The following PARD3 variants were observed in gnomAD, a reference collection of about 807,000 sequenced individuals.
PARD3 encodes the protein par-3 family cell polarity regulator.
PARD3 carries 75 observed loss-of-function variants against 155.4 expected under a neutral mutation model. The observed-to-expected ratio is 0.48, with a 90% CI of 0.40 to 0.58. PARD3 has a LOEUF of 0.58. Ranked by LOEUF, PARD3 falls within the 20% of genes least tolerant of loss-of-function variation. PARD3 has a pLI of 0.00. For missense variants in PARD3, 1,642 were observed against 1,721.7 expected (o/e 0.95, Z 0.82); for synonymous variants, 576 against 610.5 (o/e 0.94, Z 0.83).
At chr10:34,409,051 C>T (rs1454771475) in intron 5 of PARD3, among the ~76,000 whole-genome samples, 3 of 152,092 alleles carry the variant, frequency 2.0e-5, no homozygotes, top group South Asian at 4.2e-4. Context: ...TATATAAGCG[C>T]CATCCCCTCA....
chr10:34,571,807 T>C (rs867475982), intron 2 of PARD3, among the ~76,000 whole-genome samples: 5 of 152,316 alleles, frequency 3.3e-5, no homozygotes, highest in Middle Eastern at 6.8e-3. Context: ...AATGCAGGTA[T>C]TAATATCTGT....
chr10:34,316,870 T>C (rs1958040464), intron 20 of PARD3, among the ~76,000 whole-genome samples: 1 of 152,202 alleles, frequency 6.6e-6, no homozygotes, highest in Admixed American at 6.5e-5. Context: ...GATAATGTTT[T>C]CAAATCTGTG....
At chr10:34,809,405 A>G (rs4934668) in intron 1 of PARD3, among the ~76,000 whole-genome samples, 2 of 151,918 alleles carry the variant, frequency 1.3e-5, no homozygotes, top group Non-Finnish European at 2.9e-5. Flanking sequence ...CAAGCATCTG[A>G]GTCGGTACAG....
At chr10:34,669,509 T>C (rs1292982387) in intron 2 of PARD3, among the ~76,000 whole-genome samples, 1 of 152,114 alleles carries the variant, frequency 6.6e-6, no homozygotes, top group African/African-American at 2.4e-5. Context: ...ACATATTGAA[T>C]GATGGTTAAA....
intron 15 of PARD3, chr10:34,344,102 A>G: frequency 2.1e-6 from 2 of 968,874 alleles, no homozygotes; most frequent in Non-Finnish European, 2.5e-6. Flanking sequence ...AATGGATACA[A>G]CAGATTTCAG....
chr10:34,537,544 G>A (rs1386665841), intron 2 of PARD3, among the ~76,000 whole-genome samples: 2 of 151,998 alleles, frequency 1.3e-5, no homozygotes, highest in African/African-American at 4.8e-5. Context: ...ACTACACTGG[G>A]GTCCACACTT....
At chr10:34,336,443 C>A (rs1032752916) in intron 17 of PARD3, 200 bp from the exon 18 acceptor site, 6 of 526,606 alleles carry the variant, frequency 1.1e-5, no homozygotes, top group African/African-American at 9.8e-5. Context: ...CCAGTCATTT[C>A]ATTTCACAGA....
At chr10:34,223,538 C>A (rs1448313327) in intron 22 of PARD3, among the ~76,000 whole-genome samples, 1 of 152,044 alleles carries the variant, frequency 6.6e-6, no homozygotes, top group Non-Finnish European at 1.5e-5. Context: ...TGGGGGAAGG[C>A]GAACAGGGTG....
At chr10:34,389,111 T>G (rs1842631803) in intron 7 of PARD3, among the ~76,000 whole-genome samples, 1 of 152,034 alleles carries the variant, frequency 6.6e-6, no homozygotes, top group Non-Finnish European at 1.5e-5. Context: ...CTATATTTTC[T>G]TCAAAATTTG....
At chr10:34,672,746 A>T (rs1471765781) in intron 2 of PARD3, among the ~76,000 whole-genome samples, 1 of 152,208 alleles carries the variant, frequency 6.6e-6, no homozygotes, top group Non-Finnish European at 1.5e-5. Context: ...ATATGTATTA[A>T]TCCTCTAACT....
intron 10 of PARD3, among the ~76,000 whole-genome samples, chr10:34,375,986 A>G (rs947317107): frequency 2.0e-5 from 3 of 152,170 alleles, no homozygotes; most frequent in African/African-American, 4.8e-5. Flanking sequence ...CACTCAATTT[A>G]TACCCCAAGG....
intron 2 of PARD3, among the ~76,000 whole-genome samples, chr10:34,610,643 T>G (rs2090818073): frequency 6.6e-6 from 1 of 152,208 alleles, no homozygotes; most frequent in South Asian, 2.1e-4. Flanking sequence ...CTAGACAGAT[T>G]AGGAGTTTCC....
chr10:34,599,253 A>C (rs970271994), intron 2 of PARD3, among the ~76,000 whole-genome samples: 10 of 151,928 alleles, frequency 6.6e-5, no homozygotes, highest in Non-Finnish European at 1.2e-4. Flanking sequence ...AAACTCTAAA[A>C]CTCATCTTAC....
At position 34,307,460 on chromosome 10, in the gene PARD3, G is replaced by A. The variant is rs183726490; in HGVS notation, c.3065+9647C>T. On this transcript the variant is annotated intron_variant, in intron 20 of 24. Transcript: ENST00000374788. ...CCTGAAATGCACACAGGAATCCCCA[G>A]GGTTGTTAAGCTGCACATTCTAATG... 3.3e-4 allele frequency among the ~76,000 whole-genome samples: 51 copies of A among 152,270 alleles called. 1 individual carries two copies. Among genetic ancestry groups the A allele is most frequent in the Middle Eastern group, 6.8e-3 (2 of 294 alleles).
At chr10:34,457,073 A>G (rs1258408391) in intron 4 of PARD3, among the ~76,000 whole-genome samples, 1 of 152,186 alleles carries the variant, frequency 6.6e-6, no homozygotes, top group Non-Finnish European at 1.5e-5. Context: ...GAAGCATGAC[A>G]TTTTAGTTTT....
chr10:34,361,983 T>G (rs1311665846), intron 12 of PARD3, among the ~76,000 whole-genome samples: 1 of 152,114 alleles, frequency 6.6e-6, no homozygotes, highest in Non-Finnish European at 1.5e-5. Flanking sequence ...AAACTAGATT[T>G]AAAATATTCC....
chr10:34,254,573 T>C (rs892586089), intron 22 of PARD3, among the ~76,000 whole-genome samples: 1 of 129,356 alleles, frequency 7.7e-6, no homozygotes, highest in Non-Finnish European at 1.7e-5. Context: ...TGTGTGTGTG[T>C]GTGTGTATAA....
chr10:34,472,861 T>A (rs2078444541), intron 3 of PARD3, among the ~76,000 whole-genome samples: 2 of 152,252 alleles, frequency 1.3e-5, no homozygotes, highest in African/African-American at 4.8e-5. Context: ...CTCAGGAGAA[T>A]ACATTGCATA....
intron 2 of PARD3, among the ~76,000 whole-genome samples, chr10:34,565,966 C>T (rs2085909555): frequency 6.6e-6 from 1 of 152,188 alleles, no homozygotes; most frequent in Admixed American, 6.5e-5. Context: ...TGATTAAATA[C>T]AGTCCAGTGA....
Sources: allele counts gnomAD v4.1 joint callset (sites outside exome capture counted in the v4.1 genomes callset), GRCh38; gene constraint gnomAD v4.1.1; transcripts MANE v1.5; gene names NCBI Gene and HGNC (gene_info 2026-07-23, HGNC 2026-07-21).